Variants in ADAR observed in about 807,000 individuals in gnomAD.
The protein encoded by ADAR is adenosine deaminase RNA specific.
Under a neutral mutation model 113.2 loss-of-function variants are expected in ADAR, and 41 were observed. The ratio of observed to expected loss-of-function variants is 0.36; its 90% confidence interval spans 0.28 to 0.47. ADAR has a LOEUF of 0.47. ADAR is among the 20% of genes least tolerant of loss of function. ADAR has a pLI of 1.00. For missense variants in ADAR, 1,242 were observed against 1,540.9 expected, an observed-to-expected ratio of 0.81 and a Z score of 3.25; for synonymous variants, 605 against 572.6, an observed-to-expected ratio of 1.06 and a Z score of -0.81.
rs760321785 is a variant in ADAR, at chr1:154,601,588, T to C, written c.1054A>G (p.Ile352Val). ...DVYRQGTTPP[I>V]WHLTDKKRER... ...CGCTTCTTGTCTGTCAAATGCCATA[T>C]GGGAGGGGTTGTCCCTTGTCTATAG... The change falls in exon 2 of 15, where the codon ATA becomes GTA. Residue 352 changes from isoleucine (I) to valine (V), a missense_variant. Coordinates refer to ENST00000368474, the MANE Select transcript of ADAR (RefSeq NM_001111.5). The surrounding 1 kb of genome is among the most constrained non-coding windows in gnomAD (Gnocchi z 4.7). 1.9e-6 allele frequency: 3 copies of C among 1,612,504 alleles called. No homozygotes were observed. The highest frequency in any genetic ancestry group is 1.1e-5 in the South Asian group (1 of 91,096).
chr1:154,601,164 T>A lies in ADAR; in HGVS notation c.1478A>T (p.Tyr493Phe). 6.2e-7 allele frequency: 1 copy of A among 1,614,212 alleles called. No homozygotes were observed. The highest frequency in any genetic ancestry group is 8.5e-7 in the Non-Finnish European group (1 of 1,180,034). The change falls in exon 2 of 15, where the codon TAC (tyrosine) becomes TTC (phenylalanine). Residue 493 changes from tyrosine to phenylalanine, a missense_variant. Physicochemically the swap from Tyr to Phe is conservative, Grantham distance 22. Around this residue, in one of 2 missense-constraint regions of ADAR, gnomAD observed 780 missense variants for 1,057.9 expected, o/e 0.74. Coordinates refer to ENST00000368474, the MANE Select transcript of ADAR (RefSeq NM_001111.5). The surrounding 1 kb of genome is among the most constrained non-coding windows in gnomAD (Gnocchi z 4.7). ...YSHGLPRCSPYKKLTECQLKN... is the reference protein window; with the variant it reads ...YSHGLPRCSPFKKLTECQLKN... The stretch of plus-strand genomic sequence containing the variant: ...CAGCTGGCACTCTGTCAGTTTCTTG[T>A]AGGGTGAACACCGTGGCAAGCCATG...
In ADAR at chr1:154,602,634, A is replaced by G. The variant is rs771755412; in HGVS notation, c.16-8T>C. 2.5e-6 allele frequency: 4 copies of G among 1,613,484 alleles called. No homozygotes were observed. In the Admixed American group the frequency reaches 5.0e-5, roughly 20 times the overall value. On this transcript the variant is annotated splice_polypyrimidine_tract_variant and splice_region_variant and intron_variant, in intron 1 of 14. Coordinates refer to ENST00000368474, the MANE Select transcript of ADAR (RefSeq NM_001111.5). ...TCCGCTGAGGGAATACCCCTGCAGA[A>G]TAAGACAGTGGAAAAAGAAAATGAA...
intron 1 of ADAR, among the ~76,000 whole-genome samples, chr1:154,615,346 G>C (rs1014995952): frequency 2.0e-5 from 3 of 152,116 alleles, no homozygotes; most frequent in African/African-American, 4.8e-5. Context: ...TCTGCATTTG[G>C]GTACATCAAA....
chr1:154,621,807 A>C (rs930988492), intron 1 of ADAR, among the ~76,000 whole-genome samples: 3 of 152,238 alleles, frequency 2.0e-5, no homozygotes, highest in Admixed American at 6.5e-5. Context: ...ATCAGGACTA[A>C]GCACTACAAC....
Position 154,602,041 on chromosome 1 carries a change from T to A in ADAR, c.601A>T (p.Thr201Ser). ...CCGCTGTGCTGGTTCCAAGCCTGAGTGGAGACCGCGATTTTCCACAAAGGG... is the reference window on the plus strand; with the variant it reads ...CCGCTGTGCTGGTTCCAAGCCTGAGAGGAGACCGCGATTTTCCACAAAGGG... ...TPPLWKIAVSTQAWNQHSGVV... is the reference protein window; with the variant it reads ...TPPLWKIAVSSQAWNQHSGVV... Residue 201 changes from threonine to serine, a missense_variant, in exon 2 of 15, where the codon ACT (threonine) becomes TCT (serine). Coordinates refer to ENST00000368474, the MANE Select transcript of ADAR (RefSeq NM_001111.5). 1 of 1,614,168 alleles carries A rather than the reference T, an allele frequency of 6.2e-7. No individual in the cohort carries two copies. The highest frequency in any genetic ancestry group is 8.5e-7 in the Non-Finnish European group (1 of 1,180,016).
At chr1:154,609,350 T>C (rs989400192), upstream of ADAR, among the ~76,000 whole-genome samples, 8 of 152,244 alleles carry the variant, frequency 5.3e-5, no homozygotes, top group African/African-American at 1.9e-4. Context: ...CATCCTCACC[T>C]GTGAGAATGT....
chr1:154,619,109 CAA>C (rs760326095), intron 1 of ADAR, among the ~76,000 whole-genome samples: 2 of 150,638 alleles, frequency 1.3e-5, no homozygotes, highest in African/African-American at 4.9e-5. Context: ...GACTCCATCT[CAA>C]AAAAAAAGAG....
At chr1:154,619,834 G>A (rs1032137170) in intron 1 of ADAR, among the ~76,000 whole-genome samples, 4 of 152,178 alleles carry the variant, frequency 2.6e-5, no homozygotes, top group African/African-American at 9.7e-5. Flanking sequence ...TAGCATTTTT[G>A]TATACTGTGG....
intron 10 of ADAR, 46 bp from the exon 11 acceptor site, chr1:154,588,304 C>T: frequency 6.2e-7 from 1 of 1,613,818 alleles, no homozygotes; most frequent in South Asian, 1.1e-5. Flanking sequence ...GGGAAATCTG[C>T]AATTTCGTGG....
chr1:154,599,104 A>T (rs1697701858), intron 2 of ADAR, among the ~76,000 whole-genome samples: 1 of 151,870 alleles, frequency 6.6e-6, no homozygotes, highest in South Asian at 2.1e-4. Flanking sequence ...GACCTATATC[A>T]CCGTAGTTTG....
At chr1:154,588,497 C>T (rs1246401588) in intron 10 of ADAR, 54 bp downstream of exon 10, 1 of 1,608,444 alleles carries the variant, frequency 6.2e-7, no homozygotes, top group African/African-American at 1.3e-5. Flanking sequence ...TTTGGATACC[C>T]AATTCTAACA....
At chr1:154,592,384 C>T (rs1182098620) in intron 6 of ADAR, among the ~76,000 whole-genome samples, 2 of 152,122 alleles carry the variant, frequency 1.3e-5, no homozygotes, top group African/African-American at 4.8e-5. Context: ...CTTTAGGTGA[C>T]TATTGGTTAA....
chr1:154,622,974 A>T (rs1698832232), intron 1 of ADAR, among the ~76,000 whole-genome samples: 1 of 152,226 alleles, frequency 6.6e-6, no homozygotes, highest in South Asian at 2.1e-4. Context: ...GACAGGCAAT[A>T]AATAAACAAA....
intron 1 of ADAR, among the ~76,000 whole-genome samples, chr1:154,620,969 G>T (rs932296197): frequency 1.3e-5 from 2 of 152,174 alleles, no homozygotes; most frequent in Non-Finnish European, 2.9e-5. Flanking sequence ...TGCCAAGCAC[G>T]AGTGCCTCTT....
intron 2 of ADAR, 199 bp downstream of exon 2, chr1:154,600,842 T>G: frequency 2.8e-6 from 2 of 709,532 alleles, no homozygotes; most frequent in Non-Finnish European, 4.7e-6. Context: ...CAGCCAAGAT[T>G]CTGGCTGGTC....
In ADAR at chr1:154,608,120, T is replaced by A. The variant is rs1698324813; in HGVS notation, c.-114A>T. On this transcript the variant is annotated 5_prime_UTR_variant, in exon 1 of 15. Transcript: ENST00000368474. ...CGCCTCCGCTACTCCGCACTGGAAG[T>A]GGCCCCGGGGCGTCGGCACGGGAAA... 1 of 1,358,528 alleles carries A rather than the reference T, an allele frequency of 7.4e-7. No homozygotes were observed. The highest frequency in any genetic ancestry group is 1.6e-5 in the African/African-American group (1 of 64,482). 84.2% of individuals were successfully genotyped at this position (1,358,528 alleles called of 1,614,324 possible). A position where few individuals can be genotyped will look rare whatever the true frequency, so the allele number is the denominator to read the frequency against.
Position 154,602,642 on chromosome 1 carries a change from G to C in ADAR, c.16-16C>G. ...GGGAATACCCCTGCAGAATAAGACA[G>C]TGGAAAAAGAAAATGAATTAGGGCT... On this transcript the variant is annotated splice_polypyrimidine_tract_variant and intron_variant, in intron 1 of 14. Coordinates refer to ENST00000368474, the MANE Select transcript of ADAR (RefSeq NM_001111.5). 6.2e-7 allele frequency: 1 copy of C among 1,612,952 alleles called. No individual in the cohort carries two copies. Among genetic ancestry groups the C allele is most frequent in the Non-Finnish European group, 8.5e-7 (1 of 1,179,986 alleles).
At chr1:154,618,930 C>A (rs1468528357) in intron 1 of ADAR, among the ~76,000 whole-genome samples, 2 of 152,016 alleles carry the variant, frequency 1.3e-5, no homozygotes, top group African/African-American at 4.8e-5. Flanking sequence ...GCCAACATGG[C>A]GAAACCCCGT....
chr1:154,624,088 G>T (rs1052124005), intron 1 of ADAR, among the ~76,000 whole-genome samples: 1 of 152,076 alleles, frequency 6.6e-6, no homozygotes, highest in African/African-American at 2.4e-5. Flanking sequence ...AAAAGGAAGG[G>T]CCAAGAAAGC....
Sources: gnomAD v4.1 joint callset for allele counts (sites outside exome capture counted in the v4.1 genomes callset) on GRCh38, gnomAD v4.1.1 for gene constraint, gnomAD v4.1.1 regional missense constraint, Gnocchi (gnomAD v3.1) non-coding constraint, MANE v1.5 for transcripts, NCBI Gene and HGNC (gene_info 2026-07-23, HGNC 2026-07-21) for gene names.